MAP7D3: variants seen among roughly 807,000 people sequenced by gnomAD.
The protein encoded by MAP7D3 is MAP7 domain-containing protein 3.
In MAP7D3, 45 loss-of-function variants were observed where a neutral mutation model predicts 62.2. That is an observed-to-expected ratio of 0.72 (90% confidence interval 0.57 to 0.93). MAP7D3 has a LOEUF of 0.93. MAP7D3 is among the 40% of genes least tolerant of loss of function. The probability of loss-of-function intolerance (pLI) is 0.00; values close to 1 mark genes in which losing one functional copy is unlikely to be tolerated. For missense variants in MAP7D3, 711 were observed against 683.1 expected, an observed-to-expected ratio of 1.04 and a Z score of -0.45; for synonymous variants, 288 against 248.8, an observed-to-expected ratio of 1.16 and a Z score of -1.48.
chrX:136,256,366 G>T (rs1036160353), upstream of MAP7D3: 1 of 1,135,479 alleles, frequency 8.8e-7, no homozygotes, highest in Non-Finnish European at 1.2e-6. Context: ...AATTCCCACT[G>T]CAGCACTGCT....
intron 1 of MAP7D3, 144 bp downstream of exon 1, chrX:136,251,145 G>A (rs1376934554): frequency 2.3e-6 from 1 of 443,947 alleles, no homozygotes; most frequent in Non-Finnish European, 3.6e-6. Flanking sequence ...TCCGGCGGGG[G>A]TGAGGGGAGG....
intron 10 of MAP7D3, among the ~76,000 whole-genome samples, chrX:136,229,619 C>T (rs1343864233): frequency 1.8e-5 from 2 of 109,908 alleles, no homozygotes; most frequent in East Asian, 2.8e-4. Flanking sequence ...TGCTCATCCA[C>T]GAGTGGATGT....
At position 136,231,674 on chromosome X, in the gene MAP7D3, T is replaced by C. The variant is rs772603003; in HGVS notation, c.1283A>G (p.Glu428Gly). 2 of 1,207,684 alleles carry C rather than the reference T, an allele frequency of 1.7e-6. No homozygotes were observed. Among genetic ancestry groups the C allele is most frequent in the Admixed American group, 2.2e-5 (1 of 45,942 alleles). The stretch of plus-strand genomic sequence containing the variant: ...CTCCTTGGGTGACCCTTTCACACTC[T>C]CCTTGGGGGCTACTTCTGCGCTCCC... ...PKGSAEVAPK[E>G]SVKGSPKESM... The change falls in exon 8 of 19, where the codon GAG (glutamate) becomes GGG (glycine). Residue 428 changes from glutamate to glycine, a missense_variant. By Grantham distance (98) the Glu-to-Gly change is moderately conservative. Transcript: ENST00000316077.
At chrX:136,248,760 T>A (rs1397507297) in intron 1 of MAP7D3, among the ~76,000 whole-genome samples, 1 of 112,336 alleles carries the variant, frequency 8.9e-6, no homozygotes, top group African/African-American at 3.2e-5. Context: ...CTTACAACAA[T>A]CCTATAAAGT....
chrX:136,231,719 C>A lies in MAP7D3; in HGVS notation c.1238G>T (p.Ser413Ile), dbSNP rs758521409. 4.9e-5 allele frequency: 59 copies of A among 1,206,769 alleles called. No individual in the cohort carries two copies. The highest frequency in any genetic ancestry group is 6.3e-5 in the Non-Finnish European group (56 of 893,665). ...EVSVEAAPEG[S>I]LEAPPKGSAE... The stretch of plus-strand genomic sequence containing the variant: ...GCTCCCCTTGGGAGGTGCTTCCAGG[C>A]TCCCCTCTGGGGCTGCTTCCACGCT... The change falls in exon 8 of 19, where the codon AGC becomes ATC. Residue 413 changes from serine (S) to isoleucine (I), a missense_variant. By Grantham distance (142) the Ser-to-Ile change is moderately radical. Coordinates refer to ENST00000316077, the MANE Select transcript of MAP7D3 (RefSeq NM_024597.4).
At chrX:136,244,266 G>C (rs1040755596) in intron 4 of MAP7D3, among the ~76,000 whole-genome samples, 1 of 111,476 alleles carries the variant, frequency 9.0e-6, no homozygotes, top group African/African-American at 3.3e-5. Flanking sequence ...TCAGACAGTG[G>C]GGTCTGCCCC....
intron 11 of MAP7D3, 48 bp downstream of exon 11, chrX:136,228,574 TG>T (rs1303225464): frequency 1.8e-6 from 2 of 1,121,793 alleles, no homozygotes; most frequent in South Asian, 2.1e-5. Context: ...TTCAAAAATT[TG>T]GGCCCCACTC....
chrX:136,249,933 T>C (rs2074486581), intron 1 of MAP7D3, among the ~76,000 whole-genome samples: 1 of 112,553 alleles, frequency 8.9e-6, no homozygotes, highest in African/African-American at 3.2e-5. Flanking sequence ...TATATAATTT[T>C]AAAACACTTT....
rs138085610 is a variant in MAP7D3, at chrX:136,219,098, G to A, written c.*32+300C>T. 3.2e-3 allele frequency among the ~76,000 whole-genome samples: 362 copies of A among 112,411 alleles called. 1 individual carries two copies. Among genetic ancestry groups the A allele is most frequent in the African/African-American group, 0.011 (329 of 31,024 alleles). The stretch of plus-strand genomic sequence containing the variant: ...ACTCCTGACCTCAAGTGATCTGCCC[G>A]CCTTGGCCTCCCAAAGTGCTGGGAT... On this transcript the variant is annotated intron_variant, in intron 18 of 18. Transcript: ENST00000316077.
chrX:136,227,909 CATA>C (rs1053894401), intron 11 of MAP7D3, among the ~76,000 whole-genome samples: 3 of 111,401 alleles, frequency 2.7e-5, no homozygotes, highest in African/African-American at 9.8e-5. Context: ...TTTTGTAATT[CATA>C]ATATTCCCTT....
intron 6 of MAP7D3, among the ~76,000 whole-genome samples, chrX:136,238,187 C>T (rs916890771): frequency 2.7e-5 from 3 of 111,426 alleles, no homozygotes; most frequent in South Asian, 3.7e-4. Context: ...AATAAAAATA[C>T]GTGTGCATGT....
rs771433247 is a variant in MAP7D3 at position 136,224,494 on chromosome X, GA to G, written c.2193+332del. 3.0e-4 allele frequency among the ~76,000 whole-genome samples: 31 copies of G among 103,724 alleles called. No homozygotes were observed. In the East Asian group the frequency reaches 9.3e-3, roughly 31 times the overall value. The allele number at this position is 103,724 out of a possible 115,157, so 90.1% of individuals were successfully genotyped here. A position where few individuals can be genotyped will look rare whatever the true frequency, so the allele number is the denominator to read the frequency against. On this transcript the variant is annotated intron_variant, in intron 14 of 18. Transcript: ENST00000316077. ...ACACATTGTATACAAAAAAAAAAAA[GA>G]AAAAAAGAAAAAGAAAAGATAAGCT... is the stretch of plus-strand genomic sequence containing the variant.
intron 7 of MAP7D3, among the ~76,000 whole-genome samples, chrX:136,232,761 T>C (rs1185230678): frequency 3.6e-5 from 4 of 111,958 alleles, no homozygotes; most frequent in Non-Finnish European, 5.6e-5. Flanking sequence ...TTTCCACCTT[T>C]AACAATCTAA....
intron 15 of MAP7D3, among the ~76,000 whole-genome samples, 164 bp downstream of exon 15, chrX:136,222,229 A>G: frequency 8.9e-6 from 1 of 112,449 alleles, no homozygotes; most frequent in East Asian, 2.8e-4. Flanking sequence ...TACCTCACTG[A>G]AATCTCATAT....
rs1282582121 is a variant in MAP7D3, at chrX:136,232,127, G to A, written c.830C>T (p.Ser277Leu). The A allele has an allele frequency of 5.0e-6, 6 of 1,206,889 alleles. No individual in the cohort carries two copies. Among genetic ancestry groups the A allele is most frequent in the Non-Finnish European group, 6.7e-6 (6 of 891,076 alleles). The change falls in exon 8 of 19, where the codon TCG becomes TTG. Residue 277 changes from serine to leucine, a missense_variant. Ser to Leu is a moderately radical substitution (Grantham distance 145, BLOSUM62 -2). Transcript: ENST00000316077. ...TGTTTGAGGAGGTATTTTCATTGTC[G>A]ACATGGGAAACATAACAGCCCTCAA... The part of the protein sequence containing the change: ...DELRAVMFPM[S>L]TMKIPPQTKV...
intron 10 of MAP7D3, 106 bp downstream of exon 10, chrX:136,230,279 T>C: frequency 2.1e-6 from 1 of 478,953 alleles, no homozygotes; most frequent in South Asian, 3.6e-5. Flanking sequence ...AGGAAAATAA[T>C]TCCCTAAAGT....
chrX:136,248,031 A>G (rs2074467425), intron 1 of MAP7D3, among the ~76,000 whole-genome samples: 1 of 111,493 alleles, frequency 9.0e-6, no homozygotes, highest in Non-Finnish European at 1.9e-5. Context: ...AGCCTGGCCA[A>G]CATGGCAAAC....
chrX:136,244,645 T>A lies in MAP7D3; in HGVS notation c.404A>T (p.Asp135Val). ...AAAATTATGTACCTTTTGTGCTTCA[T>A]CCTTCTGGTGTCTTTTTTCTTCTGC... ...IAAEEKRHQKDEAQKEKFTAI... is the reference protein window; with the variant it reads ...IAAEEKRHQKVEAQKEKFTAI... Residue 135 changes from aspartate (D) to valine (V), a missense_variant, in exon 4 of 19, where the codon GAT becomes GTT. Coordinates refer to ENST00000316077, the MANE Select transcript of MAP7D3 (RefSeq NM_024597.4). 8.3e-7 allele frequency: 1 copy of A among 1,209,204 alleles called. No individual in the cohort carries two copies. Among genetic ancestry groups the A allele is most frequent in the Non-Finnish European group, 1.1e-6 (1 of 894,599 alleles).
chrX:136,231,861 T>C lies in MAP7D3; in HGVS notation c.1096A>G (p.Ile366Val), dbSNP rs1220099408. The C allele has an allele frequency of 1.7e-6, 2 of 1,209,678 alleles. No homozygotes were observed. The highest frequency in any genetic ancestry group is 2.2e-6 in the Non-Finnish European group (2 of 895,124). The change falls in exon 8 of 19, where the codon ATA becomes GTA. Residue 366 changes from isoleucine to valine, a missense_variant. Physicochemically the swap from Ile to Val is conservative, Grantham distance 29 (BLOSUM62 3). Coordinates refer to ENST00000316077, the MANE Select transcript of MAP7D3 (RefSeq NM_024597.4). ...MSMDASPELS[I>V]EALPKVDLET... ...AGGTCCACCTTCGGGAGTGCTTCTA[T>C]GCTCAACTCGGGGGATGCGTCCATG...
Sources: allele counts gnomAD v4.1 joint callset (sites outside exome capture counted in the v4.1 genomes callset), GRCh38; gene constraint gnomAD v4.1.1; transcripts MANE v1.5; gene names NCBI Gene and HGNC (gene_info 2026-07-23, HGNC 2026-07-21).